The following SLC44A5 variants were observed in gnomAD, a reference collection of about 807,000 sequenced individuals.
SLC44A5 encodes the protein choline transporter-like protein 5.
Under a neutral mutation model 101.8 loss-of-function variants are expected in SLC44A5, and 57 were observed. That is an observed-to-expected ratio of 0.56 (90% CI 0.45 to 0.70). SLC44A5 has a LOEUF of 0.70. Among genes scored for constraint, SLC44A5 ranks in the 30% least tolerant of loss-of-function variants. The pLI is 0.00. For missense variants in SLC44A5, 737 were observed against 853.1 expected, an observed-to-expected ratio of 0.86 and a Z score of 1.70; for synonymous variants, 281 against 290.9, an observed-to-expected ratio of 0.97 and a Z score of 0.35.
chr1:75,396,542 A>T (rs759049046), intron 3 of SLC44A5, 41 bp downstream of exon 3: 1 of 1,487,302 alleles, frequency 6.7e-7, no homozygotes, highest in Non-Finnish European at 9.4e-7. Context: ...ATAGACTGTC[A>T]TGAAAGATTC....
intron 13 of SLC44A5, among the ~76,000 whole-genome samples, chr1:75,226,021 G>A (rs1158825943): frequency 1.3e-5 from 2 of 152,122 alleles, no homozygotes; most frequent in African/African-American, 4.8e-5. Flanking sequence ...ACAACAGTAA[G>A]CAGGTTGCTG....
the SLC44A5 span, among the ~76,000 whole-genome samples, chr1:75,653,735 G>T: frequency 6.6e-6 from 1 of 152,152 alleles, no homozygotes; most frequent in Non-Finnish European, 1.5e-5. Flanking sequence ...AAGAGAAAAA[G>T]ATATTGGTTA....
At chr1:75,234,591 T>G (rs1321591301) in intron 11 of SLC44A5, among the ~76,000 whole-genome samples, 1 of 151,972 alleles carries the variant, frequency 6.6e-6, no homozygotes, top group East Asian at 1.9e-4. Flanking sequence ...TAACTGGCCA[T>G]CCCCGGAGCC....
intron 2 of SLC44A5, among the ~76,000 whole-genome samples, chr1:75,434,389 A>G (rs1460960717): frequency 6.6e-6 from 1 of 152,132 alleles, no homozygotes; most frequent in Non-Finnish European, 1.5e-5. Flanking sequence ...CTCTGCCTCC[A>G]ATCTCATCCG....
At chr1:75,643,649 A>G in the SLC44A5 span, among the ~76,000 whole-genome samples, 1 of 152,218 alleles carries the variant, frequency 6.6e-6, no homozygotes, top group Non-Finnish European at 1.5e-5. Context: ...TGCTGTTCTC[A>G]GGATAGTAAA....
chr1:75,640,581 C>G, the SLC44A5 span, among the ~76,000 whole-genome samples: 8 of 151,960 alleles, frequency 5.3e-5, no homozygotes, highest in Admixed American at 1.3e-4. Flanking sequence ...GTGATTCTAC[C>G]TCTCATTCTC....
chr1:75,575,586 T>A (rs2102051530), intron 1 of SLC44A5, among the ~76,000 whole-genome samples: 1 of 152,320 alleles, frequency 6.6e-6, no homozygotes, highest in South Asian at 2.1e-4. Flanking sequence ...CTTTAAAAAC[T>A]GTGTTTTTTT....
At chr1:75,501,826 C>T (rs1041041928) in intron 2 of SLC44A5, among the ~76,000 whole-genome samples, 4 of 152,138 alleles carry the variant, frequency 2.6e-5, no homozygotes, top group African/African-American at 9.7e-5. Context: ...ATGACAGATG[C>T]CAATGAATAA....
rs919131422 is a variant in SLC44A5 at position 75,518,557 on chromosome 1, T to C, written c.13+22878A>G. The stretch of plus-strand genomic sequence containing the variant: ...CAATAGATGTTGCTAAGCAAATTAA[T>C]GAGAGAAATAAACAAATAAATAGAA... On this transcript the variant is annotated intron_variant, in intron 2 of 23. Transcript: ENST00000370859. 5.3e-5 allele frequency among the ~76,000 whole-genome samples: 8 copies of C among 152,118 alleles called. No homozygotes were observed. The South Asian group carries it at 6.2e-4, about 12-fold the overall frequency.
intron 1 of SLC44A5, among the ~76,000 whole-genome samples, chr1:75,586,284 C>A (rs1330812331): frequency 1.3e-5 from 2 of 151,950 alleles, no homozygotes; most frequent in Non-Finnish European, 2.9e-5. Flanking sequence ...TTCTGGGTCT[C>A]CAATTTGCAG....
chr1:75,722,515 C>A, the SLC44A5 span, among the ~76,000 whole-genome samples: 2 of 152,162 alleles, frequency 1.3e-5, no homozygotes, highest in South Asian at 4.1e-4. Context: ...TAGTTACGAT[C>A]TAGGCACAAA....
rs201734664 is a variant in SLC44A5 at position 75,459,980 on chromosome 1, G to A, written c.14-63359C>T. Among the ~76,000 whole-genome samples, 24 of 152,312 alleles carry A rather than the reference G, an allele frequency of 1.6e-4. No individual in the cohort carries two copies. In the East Asian group the frequency reaches 4.4e-3, roughly 28 times the overall value. ...ATGCCCTGAAAACCAGGAAGAAGAA[G>A]TAGGAAATAATTCTTGGAGAGTTGG... On this transcript the variant is annotated intron_variant, in intron 2 of 23. Transcript: ENST00000370859.
At chr1:75,406,063 G>T (rs1662843061) in intron 2 of SLC44A5, among the ~76,000 whole-genome samples, 1 of 151,950 alleles carries the variant, frequency 6.6e-6, no homozygotes, top group Non-Finnish European at 1.5e-5. Context: ...ACAAACTATT[G>T]TTAGAGAATA....
At chr1:75,692,185 CTTTTTTT>C in the SLC44A5 span, among the ~76,000 whole-genome samples, 63 of 84,760 alleles carry the variant, frequency 7.4e-4, no homozygotes, top group Non-Finnish European at 1.1e-3. Flanking sequence ...AGATGGGATT[CTTTTTTT>C]TTTTTTTTTT....
intron 4 of SLC44A5, chr1:75,311,689 G>A (rs368157797): frequency 9.2e-5 from 28 of 303,310 alleles, no homozygotes; most frequent in Non-Finnish European, 1.2e-4. Context: ...TTTCTCTCAC[G>A]GAGTTCCCAG....
At chr1:75,581,726 G>T (rs2102070732) in intron 1 of SLC44A5, among the ~76,000 whole-genome samples, 1 of 152,160 alleles carries the variant, frequency 6.6e-6, no homozygotes, top group East Asian at 1.9e-4. Context: ...TGAATGACTT[G>T]GTGCTGTCAT....
At chr1:75,567,233 A>G (rs142468260) in intron 1 of SLC44A5, among the ~76,000 whole-genome samples, 11 of 152,298 alleles carry the variant, frequency 7.2e-5, no homozygotes, top group Admixed American at 6.5e-4. Context: ...TAAATCTGAA[A>G]CAGAAAAGAG....
chr1:75,671,952 T>C, the SLC44A5 span, among the ~76,000 whole-genome samples: 32 of 152,272 alleles, frequency 2.1e-4, no homozygotes, highest in African/African-American at 7.7e-4. Flanking sequence ...CCTTACATCA[T>C]ACAGAAAGTT....
chr1:75,673,483 G>C, the SLC44A5 span, among the ~76,000 whole-genome samples: 3 of 150,962 alleles, frequency 2.0e-5, no homozygotes, highest in South Asian at 2.1e-4. Context: ...CTAGGGGAAG[G>C]GGGGAGCTCA....
Sources: gnomAD v4.1 joint callset for allele counts (sites outside exome capture counted in the v4.1 genomes callset) on GRCh38, gnomAD v4.1.1 for gene constraint, MANE v1.5 for transcripts, NCBI Gene and HGNC (gene_info 2026-07-23, HGNC 2026-07-21) for gene names.